The following CALN1 variants were observed in gnomAD, a reference collection of about 807,000 sequenced individuals.
CALN1 encodes calneuron 1, also known as calcium-binding protein 8.
Under a neutral mutation model 30.6 loss-of-function variants are expected in CALN1, and 17 were observed. The observed-to-expected ratio is 0.56, with a 90% CI of 0.38 to 0.83. The LOEUF is 0.83. Ranked by LOEUF, CALN1 falls within the 40% of genes least tolerant of loss-of-function variation. The probability of loss-of-function intolerance (pLI) is 0.00; values close to 1 mark genes in which losing one functional copy is unlikely to be tolerated. For synonymous variants in CALN1, 156 were observed against 131.4 expected, an observed-to-expected ratio of 1.19 and a Z score of -1.28; for missense variants, 291 against 354.9, an observed-to-expected ratio of 0.82 and a Z score of 1.45.
chr7:72,278,472 TAC>T (rs59010102), intron 3 of CALN1, among the ~76,000 whole-genome samples: 34,566 of 143,786 alleles, frequency 0.24, 4,646 homozygotes, highest in Non-Finnish European at 0.32. Flanking sequence ...ATCAGGTCTG[TAC>T]ACACACACAC....
At chr7:72,492,112 C>A in the CALN1 span, among the ~76,000 whole-genome samples, 2 of 152,206 alleles carry the variant, frequency 1.3e-5, no homozygotes, top group African/African-American at 4.8e-5. Context: ...CAAATTACAA[C>A]TACTGCAAAC....
At chr7:72,258,903 A>C (rs1796099629) in intron 3 of CALN1, among the ~76,000 whole-genome samples, 1 of 133,652 alleles carries the variant, frequency 7.5e-6, no homozygotes, top group Admixed American at 7.6e-5. Context: ...AAAGTAAAAA[A>C]AAAAAAAGAA....
intron 5 of CALN1, among the ~76,000 whole-genome samples, chr7:71,882,766 C>T (rs894624743): frequency 2.6e-5 from 4 of 152,070 alleles, no homozygotes; most frequent in Non-Finnish European, 5.9e-5. Flanking sequence ...TCACTTCAGC[C>T]TCCAACTCCT....
At chr7:72,500,609 C>T in the CALN1 span, among the ~76,000 whole-genome samples, 26 of 151,916 alleles carry the variant, frequency 1.7e-4, no homozygotes, top group South Asian at 1.5e-3. Flanking sequence ...ATCCCCTCTC[C>T]GCTGTTTATA....
chr7:72,430,964 A>ATTTTTTTT (rs781481392), intron 1 of CALN1, among the ~76,000 whole-genome samples: 1 of 118,988 alleles, frequency 8.4e-6, no homozygotes, highest in Non-Finnish European at 1.7e-5. Flanking sequence ...AAGCCAAGCT[A>ATTTTTTTT]TTTTTTTTTT....
intron 4 of CALN1, among the ~76,000 whole-genome samples, chr7:72,061,383 C>G (rs1330642055): frequency 6.6e-6 from 1 of 152,068 alleles, no homozygotes; most frequent in Non-Finnish European, 1.5e-5. Context: ...TCACTTATTT[C>G]TTTGTTGAGA....
At chr7:72,396,235 T>TTAAAAAAAAAAAAAAAAAAAAAAA (rs1185933549) in intron 2 of CALN1, among the ~76,000 whole-genome samples, 1 of 53,344 alleles carries the variant, frequency 1.9e-5, no homozygotes, top group African/African-American at 9.0e-5. Flanking sequence ...TTGTCTCTAC[T>TTAAAAAAAAAAAAAAAAAAAAAAA]AAAAAAAAAA....
intron 3 of CALN1, among the ~76,000 whole-genome samples, chr7:72,146,690 G>A (rs1410243999): frequency 6.6e-6 from 1 of 152,150 alleles, no homozygotes; most frequent in Non-Finnish European, 1.5e-5. Context: ...AACAAAGATG[G>A]AGGCATCACA....
intron 3 of CALN1, among the ~76,000 whole-genome samples, chr7:72,265,811 G>T (rs199934204): frequency 6.6e-6 from 1 of 151,982 alleles, no homozygotes; most frequent in East Asian, 1.9e-4. Context: ...TCTAAAGCCA[G>T]TATTTAGATC....
At chr7:72,154,092 T>G (rs922149257) in intron 3 of CALN1, among the ~76,000 whole-genome samples, 3 of 151,992 alleles carry the variant, frequency 2.0e-5, no homozygotes, top group African/African-American at 7.3e-5. Flanking sequence ...AAGCATCCCT[T>G]TTACCAGGAA....
chr7:71,977,723 G>A (rs1798168338), intron 5 of CALN1, among the ~76,000 whole-genome samples: 1 of 152,084 alleles, frequency 6.6e-6, no homozygotes, highest in African/African-American at 2.4e-5. Context: ...CCTGAGGTCA[G>A]GAGTTCAAGA....
At chr7:72,013,194 T>C (rs958722984) in intron 5 of CALN1, among the ~76,000 whole-genome samples, 4 of 152,138 alleles carry the variant, frequency 2.6e-5, no homozygotes, top group Non-Finnish European at 4.4e-5. Context: ...TCTCCCCTTT[T>C]TGTTTTTGCC....
intron 2 of CALN1, among the ~76,000 whole-genome samples, chr7:72,308,419 G>A (rs1052745993): frequency 1.1e-4 from 16 of 142,364 alleles, no homozygotes; most frequent in Non-Finnish European, 1.9e-4. Context: ...AGAAAGGAAA[G>A]AAAGAAGAAA....
chr7:72,238,198 A>T (rs1219331834), intron 3 of CALN1, among the ~76,000 whole-genome samples: 2 of 152,180 alleles, frequency 1.3e-5, no homozygotes, highest in Non-Finnish European at 2.9e-5. Flanking sequence ...GGAAATCAGT[A>T]TTCTATGATA....
intron 5 of CALN1, among the ~76,000 whole-genome samples, chr7:71,965,469 A>G (rs991712813): frequency 2.0e-5 from 3 of 152,226 alleles, no homozygotes; most frequent in African/African-American, 7.2e-5. Flanking sequence ...TCACTTGCAG[A>G]TGACATAATT....
intron 2 of CALN1, chr7:72,336,869 C>A (rs906351424): frequency 1.5e-5 from 15 of 985,050 alleles, no homozygotes; most frequent in Non-Finnish European, 1.8e-5. Flanking sequence ...CGTCCCCGTG[C>A]CGGCATCCTC....
At chr7:71,822,325 T>C (rs34641009) in intron 5 of CALN1, among the ~76,000 whole-genome samples, 26,331 of 152,132 alleles carry the variant, frequency 0.17, 3,378 homozygotes, top group East Asian at 0.59. Flanking sequence ...CTTGGCTCAC[T>C]GCAACCTCCG....
chr7:72,383,228 G>A (rs1318137087), intron 2 of CALN1, among the ~76,000 whole-genome samples: 1 of 152,190 alleles, frequency 6.6e-6, no homozygotes, highest in Non-Finnish European at 1.5e-5. Context: ...GAACGTAACG[G>A]TACATGTGTC....
chr7:72,219,117 C>T (rs2023725), intron 3 of CALN1, among the ~76,000 whole-genome samples: 1 of 152,222 alleles, frequency 6.6e-6, no homozygotes, highest in Non-Finnish European at 1.5e-5. Context: ...CTCAGCCATT[C>T]TATTTCTCAA....
Sources: gnomAD v4.1 joint callset for allele counts (sites outside exome capture counted in the v4.1 genomes callset) on GRCh38, gnomAD v4.1.1 for gene constraint, MANE v1.5 for transcripts, NCBI Gene and HGNC (gene_info 2026-07-23, HGNC 2026-07-21) for gene names.